IDUA: variants seen among roughly 807,000 people sequenced by gnomAD.
IDUA encodes the protein alpha-L-iduronidase.
A neutral mutation model predicts 68.9 loss-of-function variants in IDUA; 65 were observed. The observed-to-expected ratio is 0.94, with a 90% CI of 0.77 to 1.16. The LOEUF is 1.16. Ranked by LOEUF, IDUA falls within the 50% of genes most tolerant of loss-of-function variation. The pLI, the probability that IDUA is intolerant of heterozygous loss-of-function variation, is 0.00. For synonymous variants in IDUA, 529 were observed against 433.6 expected, an observed-to-expected ratio of 1.22 and a Z score of -2.73; for missense variants, 1,046 against 938.0, an observed-to-expected ratio of 1.12 and a Z score of -1.50.
chr4:991,422 G>A lies in IDUA; in HGVS notation c.299+3473G>A, dbSNP rs369638599. On this transcript the variant is annotated intron_variant, in intron 2 of 13. Coordinates refer to ENST00000514224, the MANE Select transcript of IDUA (RefSeq NM_000203.5). Reference sequence around the variant, plus strand: ...AGAGGCTGTAGATGGGCTGCAGCCCGGCCAGCAATGAGTAGGCGATGGCCT... The same window carrying A: ...AGAGGCTGTAGATGGGCTGCAGCCCAGCCAGCAATGAGTAGGCGATGGCCT... 2.0e-4 allele frequency: 325 copies of A among 1,612,834 alleles called. No homozygotes were observed. Among genetic ancestry groups the A allele is most frequent in the African/African-American group, 4.3e-4 (32 of 75,056 alleles).
Position 989,787 on chromosome 4 carries a change from G to A in IDUA, c.299+1838G>A, listed in dbSNP as rs140876735. The A allele has an allele frequency of 1.1e-4, 165 of 1,569,192 alleles. No individual in the cohort carries two copies. The highest frequency in any genetic ancestry group is 2.6e-4 in the Admixed American group (14 of 53,200). ...AGCAGTGGAGGAAGGCGGGTAGCAC[G>A]TTGCAGCAGCCCACAGCCAGCAGCT... On this transcript the variant is annotated intron_variant, in intron 2 of 13. Coordinates refer to ENST00000514224, the MANE Select transcript of IDUA (RefSeq NM_000203.5).
At position 1,000,981 on chromosome 4, in the gene IDUA, G is replaced by A. The variant is rs1553916949; in HGVS notation, c.485G>A (p.Arg162Lys). The A allele has an allele frequency of 6.2e-7, 1 of 1,611,718 alleles. No individual in the cohort carries two copies. The highest frequency in any genetic ancestry group is 8.5e-7 in the Non-Finnish European group (1 of 1,178,588). The change falls in exon 4 of 14, where the codon AGA becomes AAA. Residue 162 changes from arginine to lysine, a missense_variant. By Grantham distance (26) the Arg-to-Lys change is conservative. Transcript: ENST00000514224. ...GACTTGGTCTCCAGCCTGGCCAGGA[G>A]ATACATCGGTGGGCGAGCGCAGGCC... ...WKDLVSSLAR[R>K]YIGRYGLAHV...
At chr4:1,003,210 G>GGT in intron 10 of IDUA, 53 bp downstream of exon 10, 1 of 1,265,088 alleles carries the variant, frequency 7.9e-7, no homozygotes, top group Non-Finnish European at 1.0e-6. Flanking sequence ...GTCCCGGGGG[G>GGT]GTGGGGTCCG....
chr4:1,001,804 C>G lies in IDUA; in HGVS notation c.715C>G (p.Arg239Gly). ...PRSPLSWGLL[R>G]HCHDGTNFFT... ...ATCCCCGCTGAGCTGGGGCCTCCTG[C>G]GCCACTGCCACGACGGTACCAACTT... is the stretch of plus-strand genomic sequence containing the variant. Residue 239 changes from arginine (R) to glycine (G), a missense_variant, in exon 6 of 14, where the codon CGC (arginine) becomes GGC (glycine). By Grantham distance (125) the Arg-to-Gly change is moderately radical. Coordinates refer to ENST00000514224, the MANE Select transcript of IDUA (RefSeq NM_000203.5). 1 of 1,604,628 alleles carries G rather than the reference C, an allele frequency of 6.2e-7. No individual in the cohort carries two copies. The highest frequency in any genetic ancestry group is 8.5e-7 in the Non-Finnish European group (1 of 1,177,606).
Position 1,004,476 on chromosome 4 carries a change from CA to C in IDUA, c.*84del. The C allele has an allele frequency of 1.5e-6, 2 of 1,335,910 alleles. No homozygotes were observed. Among genetic ancestry groups the C allele is most frequent in the Non-Finnish European group, 2.1e-6 (2 of 953,394 alleles). 82.8% of individuals were successfully genotyped at this position (1,335,910 alleles called of 1,614,324 possible). ...CACTGTGCCCATGCTGCCCTCCCAT[CA>C]CCCCCTTTGCAATATATTTTTATAT... On this transcript the variant is annotated 3_prime_UTR_variant, in exon 14 of 14. Coordinates refer to ENST00000514224, the MANE Select transcript of IDUA (RefSeq NM_000203.5). This position sits in a 1 kb window ranked among gnomAD's most constrained non-coding sequence, Gnocchi z 5.0.
intron 1 of IDUA, 85 bp from the exon 2 acceptor site, chr4:987,724 G>T: frequency 6.3e-7 from 1 of 1,588,092 alleles, no homozygotes; most frequent in Non-Finnish European, 8.6e-7. Flanking sequence ...CTGCGCCCGG[G>T]CAGTCCTGGG....
chr4:1,003,679 T>A lies in IDUA; in HGVS notation c.1727+54T>A, dbSNP rs1301695217. On this transcript the variant is annotated intron_variant, in intron 12 of 13. Coordinates refer to ENST00000514224, the MANE Select transcript of IDUA (RefSeq NM_000203.5). ...GCCTGGTCCTAGGCAGGTCCCTGGG[T>A]CCCGACCCCTTCACCCATGCGGTCA... 4.4e-5 allele frequency: 70 copies of A among 1,591,452 alleles called. 1 individual carries two copies. In the South Asian group the frequency reaches 7.1e-4, roughly 16 times the overall value.
chr4:1,003,487 T>G lies in IDUA; in HGVS notation c.1650+17T>G. 6.3e-7 allele frequency: 1 copy of G among 1,586,416 alleles called. No individual in the cohort carries two copies. Among genetic ancestry groups the G allele is most frequent in the South Asian group, 1.1e-5 (1 of 89,294 alleles). ...CCCGGGCAGGCAAGTGGCAGTCCCC[T>G]AACCCGCGCCGCGGCCCGGACTCCC... is the stretch of plus-strand genomic sequence containing the variant. On this transcript the variant is annotated intron_variant, in intron 11 of 13. Coordinates refer to ENST00000514224, the MANE Select transcript of IDUA (RefSeq NM_000203.5).
chr4:997,663 C>T (rs1412078482), intron 2 of IDUA, among the ~76,000 whole-genome samples: 1 of 152,188 alleles, frequency 6.6e-6, no homozygotes, highest in African/African-American at 2.4e-5. Context: ...CGTCTCCGGC[C>T]CTGGGGGTGG....
chr4:987,367 C>A, intron 1 of IDUA, 125 bp downstream of exon 1: 3 of 980,140 alleles, frequency 3.1e-6, no homozygotes, highest in South Asian at 3.4e-5. Context: ...CTCTCCCGGG[C>A]CCGCCCCCCG....
chr4:1,003,115 C>G lies in IDUA; in HGVS notation c.1482C>G (p.Val494=), dbSNP rs999890083. The G allele has an allele frequency of 4.6e-6, 7 of 1,512,598 alleles. No homozygotes were observed. The African/African-American group carries it at 8.6e-5, about 19-fold the overall frequency. 93.7% of individuals were successfully genotyped at this position (1,512,598 alleles called of 1,614,324 possible). The change falls in exon 10 of 14, where the codon GTC becomes GTG. Residue 494 remains valine, a synonymous_variant. Transcript: ENST00000514224. The part of the protein sequence containing the change: ...DGEWRRLGRP[V]FPTAEQFRRM... The stretch of plus-strand genomic sequence containing the variant: ...AGTGGCGGCGCCTGGGCCGGCCCGT[C>G]TTCCCCACGGCAGAGCAGTTCCGGC...
chr4:992,170 G>A (rs1714410893), intron 2 of IDUA: 1 of 464,554 alleles, frequency 2.2e-6, no homozygotes, highest in Non-Finnish European at 4.3e-6. Context: ...CACAGTCACT[G>A]GACACAGGTG....
intron 2 of IDUA, chr4:989,834 A>G: frequency 6.3e-7 from 1 of 1,580,714 alleles, no homozygotes; most frequent in Non-Finnish European, 8.6e-7. Flanking sequence ...CGCACAGAGT[A>G]GCCGTGACTG....
Position 997,929 on chromosome 4 carries a change from G to T in IDUA, c.300-2683G>T, listed in dbSNP as rs80199082. 8.3e-3 allele frequency among the ~76,000 whole-genome samples: 1,269 copies of T among 152,364 alleles called. 27 individuals carry two copies. Among genetic ancestry groups the T allele is most frequent in the African/African-American group, 0.028 (1,181 of 41,594 alleles). Reference sequence around the variant, plus strand: ...GGGGCTCCCCCCGCTAGGGTCAGGGGCTGCCGGGCTATCGCCTTGGGGTTC... The same window carrying T: ...GGGGCTCCCCCCGCTAGGGTCAGGGTCTGCCGGGCTATCGCCTTGGGGTTC... On this transcript the variant is annotated intron_variant, in intron 2 of 13. Coordinates refer to ENST00000514224, the MANE Select transcript of IDUA (RefSeq NM_000203.5).
chr4:988,671 C>T, intron 2 of IDUA: 1 of 1,414,478 alleles, frequency 7.1e-7, no homozygotes, highest in Non-Finnish European at 9.2e-7. Context: ...ATCAGAGGGC[C>T]TCCTTTCCCA....
chr4:988,016 T>C, intron 2 of IDUA, 67 bp downstream of exon 2: 1 of 1,508,410 alleles, frequency 6.6e-7, no homozygotes, highest in Non-Finnish European at 8.9e-7. Context: ...AGGGGAGGGC[T>C]GGGGGCTGCT....
rs1283881762 is a variant in IDUA at position 1,004,362 on chromosome 4, C to T, written c.1931C>T (p.Pro644Leu). 1 of 1,611,262 alleles carries T rather than the reference C, an allele frequency of 6.2e-7. No individual in the cohort carries two copies. Among genetic ancestry groups the T allele is most frequent in the Non-Finnish European group, 8.5e-7 (1 of 1,179,972 alleles). ...GTGCCGTACCTGGAGGTCCCTGTGCCAAGAGGGCCCCCATCCCCGGGCAAT... is the reference window on the plus strand; with the variant it reads ...GTGCCGTACCTGGAGGTCCCTGTGCTAAGAGGGCCCCCATCCCCGGGCAAT... ...DPVPYLEVPV[P>L]RGPPSPGNP is the part of the protein sequence containing the mutation. The change falls in exon 14 of 14, where the codon CCA becomes CTA. Residue 644 changes from proline to leucine, a missense_variant. Pro to Leu is a moderately conservative substitution (Grantham distance 98). Coordinates refer to ENST00000514224, the MANE Select transcript of IDUA (RefSeq NM_000203.5). This position sits in a 1 kb window ranked among gnomAD's most constrained non-coding sequence, Gnocchi z 5.0.
intron 2 of IDUA, among the ~76,000 whole-genome samples, chr4:996,994 T>C (rs930356392): frequency 6.6e-6 from 1 of 152,144 alleles, no homozygotes; most frequent in East Asian, 1.9e-4. Flanking sequence ...CCTGAACCCC[T>C]GGCCAGTCTT....
At chr4:988,793 C>G (rs1234965974) in intron 2 of IDUA, 2 of 1,500,322 alleles carry the variant, frequency 1.3e-6, no homozygotes, top group Non-Finnish European at 1.8e-6. Flanking sequence ...GCTGTGGGTC[C>G]CCAGGAGGGA....
Sources: gnomAD v4.1 joint callset for allele counts (sites outside exome capture counted in the v4.1 genomes callset) on GRCh38, gnomAD v4.1.1 for gene constraint, Gnocchi (gnomAD v3.1) non-coding constraint, MANE v1.5 for transcripts, NCBI Gene and HGNC (gene_info 2026-07-23, HGNC 2026-07-21) for gene names.